The following DPP10 variants were observed in gnomAD, a reference collection of about 807,000 sequenced individuals.
DPP10 encodes the protein inactive dipeptidyl peptidase 10.
Under a neutral mutation model 120.9 loss-of-function variants are expected in DPP10, and 33 were observed. The observed-to-expected ratio is 0.27, with a 90% CI of 0.21 to 0.37. The LOEUF (loss-of-function observed/expected upper bound fraction) is 0.37. Among genes scored for constraint, DPP10 ranks in the 10% least tolerant of loss-of-function variants. The pLI, the probability that DPP10 is intolerant of heterozygous loss-of-function variation, is 1.00. For synonymous variants in DPP10, 337 were observed against 326.1 expected, an observed-to-expected ratio of 1.03 and a Z score of -0.36; for missense variants, 816 against 942.8, an observed-to-expected ratio of 0.87 and a Z score of 1.76.
intron 1 of DPP10, among the ~76,000 whole-genome samples, chr2:115,199,759 T>C (rs2055559967): frequency 1.3e-5 from 2 of 152,192 alleles, no homozygotes; most frequent in Admixed American, 1.3e-4. Flanking sequence ...TGTATTATGA[T>C]TTGCTTTTTC....
At chr2:115,616,618 T>C (rs781347738) in intron 5 of DPP10, among the ~76,000 whole-genome samples, 10 of 152,148 alleles carry the variant, frequency 6.6e-5, no homozygotes, top group Non-Finnish European at 1.5e-4. Flanking sequence ...ATAGTTTGTC[T>C]TGGTAGCTTT....
At chr2:114,956,652 A>T (rs1317521480) in intron 1 of DPP10, among the ~76,000 whole-genome samples, 1 of 152,140 alleles carries the variant, frequency 6.6e-6, no homozygotes, top group Non-Finnish European at 1.5e-5. Flanking sequence ...ATTGTAAGCA[A>T]AAAGAAGAAT....
At chr2:115,128,192 A>G (rs1232741989) in intron 1 of DPP10, among the ~76,000 whole-genome samples, 3 of 152,050 alleles carry the variant, frequency 2.0e-5, no homozygotes, top group Admixed American at 2.0e-4. Context: ...CTCTCCAGAC[A>G]TATTGATTTT....
At chr2:115,328,886 A>G (rs192170672) in intron 2 of DPP10, among the ~76,000 whole-genome samples, 24 of 152,206 alleles carry the variant, frequency 1.6e-4, no homozygotes, top group African/African-American at 5.8e-4. Flanking sequence ...GATACCTGCT[A>G]GTGAAGGGTT....
intron 19 of DPP10, among the ~76,000 whole-genome samples, chr2:115,813,150 T>A (rs1686844473): frequency 6.8e-6 from 1 of 146,588 alleles, no homozygotes; most frequent in Non-Finnish European, 1.5e-5. Context: ...CCCGGCTAAT[T>A]TTTTGTATTT....
intron 1 of DPP10, among the ~76,000 whole-genome samples, chr2:115,305,627 A>G: frequency 6.6e-6 from 1 of 152,086 alleles, no homozygotes; most frequent in East Asian, 1.9e-4. Flanking sequence ...CATCCTAGCT[A>G]CTCAGAAGGC....
intron 1 of DPP10, among the ~76,000 whole-genome samples, chr2:114,480,869 A>G (rs907954938): frequency 1.3e-5 from 2 of 151,234 alleles, no homozygotes; most frequent in African/African-American, 2.5e-5. Context: ...ATAATAATAA[A>G]AAGTACACCC....
At chr2:115,272,412 T>C (rs954216678) in intron 1 of DPP10, among the ~76,000 whole-genome samples, 2 of 152,226 alleles carry the variant, frequency 1.3e-5, no homozygotes, top group African/African-American at 4.8e-5. Flanking sequence ...ACCTAGGATA[T>C]ATGAATTCTT....
chr2:115,230,070 T>G (rs2057661561), intron 1 of DPP10, among the ~76,000 whole-genome samples: 1 of 151,918 alleles, frequency 6.6e-6, no homozygotes, highest in African/African-American at 2.4e-5. Flanking sequence ...TATCTTTGTA[T>G]TTTTCTTGGG....
intron 1 of DPP10, among the ~76,000 whole-genome samples, chr2:114,467,995 G>A (rs1679560501): frequency 6.6e-6 from 1 of 152,116 alleles, no homozygotes; most frequent in African/African-American, 2.4e-5. Context: ...CACTTCAGTT[G>A]GTGCCACAGA....
intron 1 of DPP10, among the ~76,000 whole-genome samples, chr2:114,913,246 C>G (rs943677662): frequency 6.6e-6 from 1 of 152,154 alleles, no homozygotes; most frequent in Non-Finnish European, 1.5e-5. Flanking sequence ...GGCGTGCACT[C>G]GCCTGCAGCC....
At chr2:115,004,773 C>T (rs987492068) in intron 1 of DPP10, among the ~76,000 whole-genome samples, 13 of 152,204 alleles carry the variant, frequency 8.5e-5, no homozygotes, top group East Asian at 3.9e-4. Context: ...AACTGCAAGG[C>T]GGCAGCGAGG....
At chr2:114,608,050 C>T (rs993177129) in intron 1 of DPP10, among the ~76,000 whole-genome samples, 2 of 152,190 alleles carry the variant, frequency 1.3e-5, no homozygotes, top group African/African-American at 2.4e-5. Context: ...GCCATCCCTG[C>T]AAATAGCACC....
chr2:115,716,633 G>T (rs546851435), intron 7 of DPP10, among the ~76,000 whole-genome samples: 1 of 152,018 alleles, frequency 6.6e-6, no homozygotes, highest in Non-Finnish European at 1.5e-5. Context: ...AACCAAGTTC[G>T]CTTTTCTATG....
intron 1 of DPP10, among the ~76,000 whole-genome samples, chr2:114,603,734 A>G (rs1180995289): frequency 3.9e-5 from 6 of 152,006 alleles, no homozygotes; most frequent in Non-Finnish European, 7.4e-5. Context: ...CCCAGTAAAT[A>G]CTTATGATAG....
In DPP10 at chr2:115,762,474, A is replaced by T. The variant is rs1680231382; in HGVS notation, c.1075-98A>T. The T allele has an allele frequency of 2.5e-6, 3 of 1,214,490 alleles. No homozygotes were observed. In the East Asian group the frequency reaches 7.1e-5, roughly 29 times the overall value. The allele number at this position is 1,214,490 out of a possible 1,614,324, so 75.2% of individuals were successfully genotyped here. On this transcript the variant is annotated intron_variant, in intron 11 of 25. Transcript: ENST00000410059. ...TCATGGTGTTTCACCAGTTGAAGAG[A>T]GGGAAAAAAAACTGATAACCGTGTT...
intron 1 of DPP10, among the ~76,000 whole-genome samples, chr2:114,882,631 A>C (rs1233538282): frequency 1.3e-5 from 2 of 152,096 alleles, no homozygotes; most frequent in Non-Finnish European, 2.9e-5. Context: ...ATCACCGCTA[A>C]AGAACTTATC....
Position 115,398,442 on chromosome 2 carries a change from A to G in DPP10, c.271+54530A>G, listed in dbSNP as rs142091475. ...TATGTGTTTAAGAAAATTGCTTGAAATGAATCTCTTTTATGAGTTTTGGTA... is the reference window on the plus strand; with the variant it reads ...TATGTGTTTAAGAAAATTGCTTGAAGTGAATCTCTTTTATGAGTTTTGGTA... On this transcript the variant is annotated intron_variant, in intron 3 of 25. Transcript: ENST00000410059. Among the ~76,000 whole-genome samples the G allele has an allele frequency of 3.3e-4, 50 of 152,280 alleles. 1 individual carries two copies. In the East Asian group the frequency reaches 8.1e-3, roughly 25 times the overall value.
chr2:115,025,427 C>CT (rs1418275027), intron 1 of DPP10, among the ~76,000 whole-genome samples: 1 of 152,006 alleles, frequency 6.6e-6, no homozygotes, highest in Non-Finnish European at 1.5e-5. Context: ...AGTTGATTCC[C>CT]TTTTTTTGGC....
Sources: gnomAD v4.1 joint callset for allele counts (sites outside exome capture counted in the v4.1 genomes callset) on GRCh38, gnomAD v4.1.1 for gene constraint, MANE v1.5 for transcripts, NCBI Gene and HGNC (gene_info 2026-07-23, HGNC 2026-07-21) for gene names.